The following ACTR3C variants were observed in gnomAD, a reference collection of about 807,000 sequenced individuals.
ACTR3C encodes actin-related protein 3C.
A neutral mutation model predicts 26.3 loss-of-function variants in ACTR3C; 18 were observed. That is an observed-to-expected ratio of 0.68 (90% CI 0.47 to 1.01). ACTR3C has a LOEUF of 1.01. Ranked by LOEUF, ACTR3C falls within the 50% of genes least tolerant of loss-of-function variation. The pLI is 0.00. For missense variants in ACTR3C, 184 were observed against 250.7 expected (o/e 0.73, Z 1.80); for synonymous variants, 55 against 94.5 (o/e 0.58, Z 2.42).
the ACTR3C span, among the ~76,000 whole-genome samples, chr7:149,928,054 T>A: frequency 6.6e-6 from 1 of 152,194 alleles, no homozygotes; most frequent in Admixed American, 6.6e-5. Context: ...CTGGTGAGAA[T>A]GCACACTAAT....
chr7:149,969,836 T>C, the ACTR3C span, among the ~76,000 whole-genome samples: 73 of 152,256 alleles, frequency 4.8e-4, no homozygotes, highest in Admixed American at 1.4e-3. Context: ...TTTTTTAAAG[T>C]AGTGAAATCC....
intron 6 of ACTR3C, among the ~76,000 whole-genome samples, chr7:150,280,644 C>T (rs1444402165): frequency 6.6e-6 from 1 of 152,122 alleles, no homozygotes; most frequent in Non-Finnish European, 1.5e-5. Context: ...AGAGAGGAAT[C>T]TTACATATTC....
At chr7:150,283,546 ATTTAC>A (rs1325409124) in intron 6 of ACTR3C, among the ~76,000 whole-genome samples, 1 of 150,862 alleles carries the variant, frequency 6.6e-6, no homozygotes, top group East Asian at 1.9e-4. Flanking sequence ...AAGATATTTT[ATTTAC>A]TTTAAGAGTT....
At chr7:150,148,541 C>T in the ACTR3C span, among the ~76,000 whole-genome samples, 1 of 152,228 alleles carries the variant, frequency 6.6e-6, no homozygotes, top group South Asian at 2.1e-4. Flanking sequence ...TCCCTCCCTG[C>T]CCAGAGCTCA....
chr7:149,998,054 C>T, the ACTR3C span, among the ~76,000 whole-genome samples: 1 of 151,250 alleles, frequency 6.6e-6, no homozygotes, highest in African/African-American at 2.4e-5. Flanking sequence ...TAGGGCCATT[C>T]CTCTCTTTCT....
the ACTR3C span, among the ~76,000 whole-genome samples, chr7:150,077,345 G>T: frequency 6.6e-6 from 1 of 152,172 alleles, no homozygotes; most frequent in South Asian, 2.1e-4. Context: ...CATTTCCAGA[G>T]CCTACTGTAG....
the ACTR3C span, among the ~76,000 whole-genome samples, chr7:150,134,965 G>T: frequency 1.3e-5 from 2 of 152,200 alleles, no homozygotes; most frequent in East Asian, 1.9e-4. Context: ...GCAGCTACAG[G>T]TTCTGTTACC....
chr7:150,012,246 G>A, the ACTR3C span, among the ~76,000 whole-genome samples: 1 of 151,324 alleles, frequency 6.6e-6, no homozygotes, highest in Admixed American at 6.6e-5. Context: ...TAGGGATAAT[G>A]AAGCTCTTCT....
chr7:149,912,010 G>GA, the ACTR3C span, among the ~76,000 whole-genome samples: 14,915 of 128,270 alleles, frequency 0.12, 1,338 homozygotes, highest in African/African-American at 0.24. Flanking sequence ...ACCCTGTCTC[G>GA]AAAAAAAAAA....
the ACTR3C span, among the ~76,000 whole-genome samples, chr7:149,978,665 C>T: frequency 1.3e-5 from 2 of 151,876 alleles, no homozygotes; most frequent in African/African-American, 2.4e-5. Flanking sequence ...TCTGAATGTG[C>T]CCTGCCTCTA....
At chr7:149,888,154 G>A in the ACTR3C span, among the ~76,000 whole-genome samples, 3 of 152,208 alleles carry the variant, frequency 2.0e-5, no homozygotes, top group African/African-American at 7.2e-5. Context: ...CGGCACACCT[G>A]ACTGATACAA....
chr7:150,146,066 A>C, the ACTR3C span, among the ~76,000 whole-genome samples: 1 of 152,110 alleles, frequency 6.6e-6, no homozygotes, highest in Non-Finnish European at 1.5e-5. Flanking sequence ...CTTGGATTTA[A>C]TTTTCAGCTT....
the ACTR3C span, among the ~76,000 whole-genome samples, chr7:149,969,108 C>T: frequency 1.3e-5 from 2 of 152,144 alleles, no homozygotes; most frequent in African/African-American, 4.8e-5. Context: ...CAACCACAGA[C>T]ATCAGAGCTG....
At chr7:150,019,990 T>C in the ACTR3C span, among the ~76,000 whole-genome samples, 1 of 152,160 alleles carries the variant, frequency 6.6e-6, no homozygotes, top group East Asian at 1.9e-4. Context: ...CTACACATTG[T>C]GTCTATTATT....
At chr7:150,125,131 GT>G in the ACTR3C span, among the ~76,000 whole-genome samples, 1 of 151,390 alleles carries the variant, frequency 6.6e-6, no homozygotes, top group African/African-American at 2.4e-5. Context: ...TCCAGTTCAT[GT>G]TTTACCATTT....
chr7:149,983,281 A>G, the ACTR3C span, among the ~76,000 whole-genome samples: 2 of 151,788 alleles, frequency 1.3e-5, no homozygotes, highest in African/African-American at 4.8e-5. Context: ...GCATTTCTTC[A>G]AAGAAAACAT....
At chr7:150,039,793 C>A in the ACTR3C span, among the ~76,000 whole-genome samples, 4 of 114,104 alleles carry the variant, frequency 3.5e-5, no homozygotes, top group African/African-American at 6.8e-5. Context: ...GGAAGAGGGA[C>A]TGGCTCTCAG....
the ACTR3C span, among the ~76,000 whole-genome samples, chr7:150,185,974 T>C: frequency 6.6e-6 from 1 of 152,274 alleles, no homozygotes; most frequent in Non-Finnish European, 1.5e-5. Flanking sequence ...GGAATTTTGA[T>C]CTCGGATTAG....
At chr7:150,316,690 T>C (rs1490123763) in intron 1 of ACTR3C, among the ~76,000 whole-genome samples, 1 of 152,174 alleles carries the variant, frequency 6.6e-6, no homozygotes, top group Non-Finnish European at 1.5e-5. Flanking sequence ...TTCACCATGT[T>C]GGCCAGGATG....
Sources: gnomAD v4.1 joint callset for allele counts (sites outside exome capture counted in the v4.1 genomes callset) on GRCh38, gnomAD v4.1.1 for gene constraint, MANE v1.5 for transcripts, NCBI Gene and HGNC (gene_info 2026-07-23, HGNC 2026-07-21) for gene names.